Variants in ATG14 observed in about 807,000 individuals in gnomAD.
The protein encoded by ATG14 is autophagy related 14, also known as beclin 1-associated autophagy-related key regulator.
In ATG14, 35 loss-of-function variants were observed where a neutral mutation model predicts 60.4. That is an observed-to-expected ratio of 0.58 (90% CI 0.44 to 0.77). The LOEUF is 0.77. ATG14 is among the 30% of genes least tolerant of loss of function. The pLI, the probability that ATG14 is intolerant of heterozygous loss-of-function variation, is 0.00. For missense variants in ATG14, 647 were observed against 626.3 expected, an observed-to-expected ratio of 1.03 and a Z score of -0.35; for synonymous variants, 234 against 228.8, an observed-to-expected ratio of 1.02 and a Z score of -0.21.
intron 7 of ATG14, among the ~76,000 whole-genome samples, chr14:55,379,901 G>T (rs1284203726): frequency 6.6e-6 from 1 of 152,092 alleles, no homozygotes; most frequent in African/African-American, 2.4e-5. Context: ...TTGTATAAAT[G>T]TTTTGAATTT....
rs1194666951 is a variant in ATG14, at chr14:55,380,853, G to GTA, written c.878-164_878-163insTA. ...CAGACATAAATGGTCCATTCTTTGT[G>GTA]TGTATATATATATATATATATATTT... On this transcript the variant is annotated intron_variant, in intron 6 of 9. Transcript: ENST00000247178. Among the ~76,000 whole-genome samples the GTA allele has an allele frequency of 2.0e-3, 215 of 107,984 alleles. 2 individuals carry two copies. Among genetic ancestry groups the GTA allele is most frequent in the African/African-American group, 9.0e-3 (194 of 21,530 alleles). The allele number at this position is 107,984 out of a possible 152,430, so 70.8% of individuals were successfully genotyped here.
At chr14:55,400,629 G>A (rs930998054) in intron 1 of ATG14, among the ~76,000 whole-genome samples, 2 of 152,118 alleles carry the variant, frequency 1.3e-5, no homozygotes, top group Non-Finnish European at 2.9e-5. Flanking sequence ...CTGGGCCGGT[G>A]CGGTGGCTCA....
At position 55,370,940 on chromosome 14, in the gene ATG14, C is replaced by T. The variant is rs116300937; in HGVS notation, c.1173-1015G>A. On this transcript the variant is annotated intron_variant, in intron 9 of 9. Transcript: ENST00000247178. ...ACAGTTGTGAGCCACCACGCCCGGC[C>T]GCCTTTCTGCTTCTTTTTCCCCTCC... 8.4e-3 allele frequency among the ~76,000 whole-genome samples: 1,282 copies of T among 152,246 alleles called. 21 individuals are homozygous for T. Among genetic ancestry groups the T allele is most frequent in the African/African-American group, 0.03 (1,231 of 41,560 alleles).
intron 3 of ATG14, among the ~76,000 whole-genome samples, chr14:55,392,741 A>G (rs775051036): frequency 3.3e-5 from 5 of 152,168 alleles, no homozygotes; most frequent in Non-Finnish European, 7.3e-5. Context: ...TAAAAGCTTA[A>G]AACAATGCTC....
Position 55,369,724 on chromosome 14 carries a change from G to A in ATG14, c.1374C>T (p.Ser458=), listed in dbSNP as rs146416566. The A allele has an allele frequency of 2.5e-6, 4 of 1,612,916 alleles. No individual in the cohort carries two copies. The African/African-American group carries it at 4.0e-5, about 16-fold the overall frequency. The part of the protein sequence containing the change: ...SQSVEVSQSQ[S]TQASPPIASS... ...TCGCGATGGGTGGGGACGCCTGGGT[G>A]CTCTGACTCTGGGAGACTTCCACAG... Residue 458 remains serine (S), a synonymous_variant, in exon 10 of 10, where the codon AGC becomes AGT. Transcript: ENST00000247178.
intron 7 of ATG14, 65 bp downstream of exon 7, chr14:55,380,508 T>C: frequency 9.0e-7 from 1 of 1,109,506 alleles, no homozygotes; most frequent in Non-Finnish European, 1.3e-6. Flanking sequence ...TTGGAATAAA[T>C]AAAGACAAAA....
intron 9 of ATG14, among the ~76,000 whole-genome samples, chr14:55,371,486 G>T (rs1482263576): frequency 6.6e-6 from 1 of 152,158 alleles, no homozygotes; most frequent in Admixed American, 6.5e-5. Flanking sequence ...TTCCCACTTG[G>T]TCTCCAGTGA....
chr14:55,398,750 C>G (rs1007491145), intron 1 of ATG14, among the ~76,000 whole-genome samples: 1 of 151,874 alleles, frequency 6.6e-6, no homozygotes, highest in African/African-American at 2.4e-5. Context: ...GGGCAGTGTT[C>G]TATAAATGTC....
At chr14:55,396,697 G>A (rs769535639) in intron 2 of ATG14, among the ~76,000 whole-genome samples, 1 of 152,210 alleles carries the variant, frequency 6.6e-6, no homozygotes, top group African/African-American at 2.4e-5. Context: ...GAGGTAAAGA[G>A]AAACTGAATG....
intron 5 of ATG14, among the ~76,000 whole-genome samples, chr14:55,384,477 A>G (rs561355534): frequency 6.6e-6 from 1 of 152,346 alleles, no homozygotes; most frequent in South Asian, 2.1e-4. Flanking sequence ...TTTGGGGTTC[A>G]GGACTCAAGA....
intron 7 of ATG14, 105 bp downstream of exon 7, chr14:55,380,468 G>T: frequency 1.4e-6 from 1 of 728,716 alleles, no homozygotes; most frequent in South Asian, 1.9e-5. Context: ...TCTCTGTCTT[G>T]GTAATACTTA....
At chr14:55,380,441 A>G (rs937676622) in intron 7 of ATG14, 132 bp downstream of exon 7, 19 of 629,792 alleles carry the variant, frequency 3.0e-5, no homozygotes, top group East Asian at 2.8e-5. Flanking sequence ...ATTAATCTCA[A>G]TATTTCAATC....
At chr14:55,402,950 T>A (rs1171150535) in intron 1 of ATG14, among the ~76,000 whole-genome samples, 18 of 63,670 alleles carry the variant, frequency 2.8e-4, no homozygotes, top group African/African-American at 8.4e-4. Context: ...TATATATATA[T>A]ATATATATAT....
rs940171391 is a variant in ATG14 at position 55,366,529 on chromosome 14, C to CT, written c.*3089dup. The CT allele has an allele frequency of 6.6e-6, 1 of 152,594 alleles. No homozygotes were observed. The highest frequency in any genetic ancestry group is 1.5e-5 in the Non-Finnish European group (1 of 68,044). The allele number at this position is 152,594 out of a possible 1,614,324, so 9.5% of individuals were successfully genotyped here. A position where few individuals can be genotyped will look rare whatever the true frequency, so the allele number is the denominator to read the frequency against. ...GAGGAGATTCTCGGACACTAGTCCT[C>CT]TAACAGCATGCCACTGAATGCTCTT... On this transcript the variant is annotated 3_prime_UTR_variant, in exon 10 of 10. Coordinates refer to ENST00000247178, the MANE Select transcript of ATG14 (RefSeq NM_014924.5).
intron 1 of ATG14, among the ~76,000 whole-genome samples, chr14:55,402,966 T>TAAATAA (rs1885433904): frequency 1.7e-5 from 1 of 59,082 alleles, no homozygotes; most frequent in Non-Finnish European, 3.3e-5. Context: ...TATATATATA[T>TAAATAA]ATAAATAGCT....
Position 55,378,074 on chromosome 14 carries a change from A to G in ATG14, c.996T>C (p.Ser332=). ...DVNLPKKLCN[S]EFCGENLSKQ... is the part of the protein sequence containing the mutation. ...TGCTTAGATTTTCGCCACAAAATTC[A>G]CTGTAAAACAAACATACAATTTATA... Residue 332 remains serine (S), a splice_region_variant and synonymous_variant, in exon 8 of 10, where the codon AGT becomes AGC. Coordinates refer to ENST00000247178, the MANE Select transcript of ATG14 (RefSeq NM_014924.5). 6.2e-7 allele frequency: 1 copy of G among 1,611,268 alleles called. No individual in the cohort carries two copies. The highest frequency in any genetic ancestry group is 1.3e-5 in the African/African-American group (1 of 74,954).
intron 9 of ATG14, among the ~76,000 whole-genome samples, chr14:55,375,371 C>G (rs1237162651): frequency 6.6e-6 from 1 of 152,058 alleles, no homozygotes; most frequent in East Asian, 1.9e-4. Flanking sequence ...TTCTGTCATC[C>G]AGGTTGGAGT....
chr14:55,401,524 A>G (rs1885398459), intron 1 of ATG14, among the ~76,000 whole-genome samples: 1 of 152,238 alleles, frequency 6.6e-6, no homozygotes, highest in Non-Finnish European at 1.5e-5. Context: ...CAATTAAAAA[A>G]GTCTTCTATA....
At chr14:55,377,058 A>G (rs940148500) in intron 9 of ATG14, among the ~76,000 whole-genome samples, 1 of 152,176 alleles carries the variant, frequency 6.6e-6, no homozygotes, top group Admixed American at 6.5e-5. Flanking sequence ...TGATAAGAAA[A>G]TTGTGTGGCC....
Sources: gnomAD v4.1 joint callset for allele counts (sites outside exome capture counted in the v4.1 genomes callset) on GRCh38, gnomAD v4.1.1 for gene constraint, MANE v1.5 for transcripts, NCBI Gene and HGNC (gene_info 2026-07-23, HGNC 2026-07-21) for gene names.